CDH18: variants seen among roughly 807,000 people sequenced by gnomAD.
CDH18 encodes cadherin-18.
In CDH18, 31 loss-of-function variants were observed where a neutral mutation model predicts 67.9. The ratio of observed to expected loss-of-function variants is 0.46; its 90% CI spans 0.34 to 0.62. CDH18 has a LOEUF of 0.62. CDH18 is among the 20% of genes least tolerant of loss of function. CDH18 has a pLI of 0.01. For missense variants in CDH18, 890 were observed against 975.5 expected (o/e 0.91, Z 1.17); for synonymous variants, 362 against 347.2 (o/e 1.04, Z -0.48).
intron 2 of CDH18, among the ~76,000 whole-genome samples, chr5:20,174,633 A>T (rs1297585190): frequency 6.6e-6 from 1 of 152,182 alleles, no homozygotes; most frequent in Non-Finnish European, 1.5e-5. Flanking sequence ...CAGTACAACT[A>T]TATAGATTGA....
rs1561905984 is a variant in CDH18, at chr5:20,242,622, A to ATATACATGTATATATATATATG, written c.-518+12821_-518+12822insCATATATATATATACATGTATA. 7.9e-3 allele frequency among the ~76,000 whole-genome samples: 835 copies of ATATACATGTATATATATATATG among 106,314 alleles called. 70 individuals carry two copies. Among genetic ancestry groups the ATATACATGTATATATATATATG allele is most frequent in the Non-Finnish European group, 0.011 (610 of 55,802 alleles). 69.7% of individuals were successfully genotyped at this position (106,314 alleles called of 152,430 possible). A position where few individuals can be genotyped will look rare whatever the true frequency, so the allele number is the denominator to read the frequency against. On this transcript the variant is annotated intron_variant, in intron 2 of 14. Coordinates refer to the CDH18 transcript ENST00000507958. ...AAAAAAAAAAAAAAAATATATATAT[A>ATATACATGTATATATATATATG]TATATATATATGTATATATATATAT... is the stretch of plus-strand genomic sequence containing the variant.
intron 10 of CDH18, among the ~76,000 whole-genome samples, chr5:19,519,886 G>A (rs1174524657): frequency 6.6e-6 from 1 of 152,114 alleles, no homozygotes; most frequent in Non-Finnish European, 1.5e-5. Flanking sequence ...AGCCTCGGGC[G>A]AGAAAACAGC....
At chr5:20,369,332 C>T (rs1742787161) in intron 1 of CDH18, among the ~76,000 whole-genome samples, 1 of 152,082 alleles carries the variant, frequency 6.6e-6, no homozygotes, top group African/African-American at 2.4e-5. Flanking sequence ...TTATAAATAT[C>T]CTACACTAAT....
chr5:20,574,981 GAAA>G (rs200811136), intron 1 of CDH18, among the ~76,000 whole-genome samples: 1 of 142,604 alleles, frequency 7.0e-6, no homozygotes, highest in Non-Finnish European at 1.5e-5. Flanking sequence ...GACAGATTTA[GAAA>G]AAAAAAAACC....
At chr5:19,599,117 A>G (rs1746651771) in intron 6 of CDH18, among the ~76,000 whole-genome samples, 2 of 152,100 alleles carry the variant, frequency 1.3e-5, no homozygotes, top group Non-Finnish European at 2.9e-5. Context: ...ATAAAAGATA[A>G]TAACTTTAAA....
At chr5:19,582,217 A>C (rs1743374318) in intron 7 of CDH18, among the ~76,000 whole-genome samples, 1 of 151,944 alleles carries the variant, frequency 6.6e-6, no homozygotes, top group South Asian at 2.1e-4. Context: ...ATATGTGTGC[A>C]CGTGTATGTG....
chr5:19,801,621 T>G (rs1243593090), intron 3 of CDH18, among the ~76,000 whole-genome samples: 1 of 152,240 alleles, frequency 6.6e-6, no homozygotes, highest in Non-Finnish European at 1.5e-5. Flanking sequence ...ACACATACTT[T>G]ATTCATATTT....
chr5:19,918,799 T>A (rs1179701604), intron 2 of CDH18, among the ~76,000 whole-genome samples: 1 of 152,154 alleles, frequency 6.6e-6, no homozygotes, highest in African/African-American at 2.4e-5. Flanking sequence ...ACACTTTCCT[T>A]CTAAAACTCT....
chr5:19,946,747 C>T (rs1795317999), intron 2 of CDH18, among the ~76,000 whole-genome samples: 1 of 152,042 alleles, frequency 6.6e-6, no homozygotes. Context: ...TTTTATAAGG[C>T]CAGTATTGCC....
intron 3 of CDH18, among the ~76,000 whole-genome samples, chr5:19,837,177 C>T (rs1398599134): frequency 6.6e-6 from 1 of 152,094 alleles, no homozygotes; most frequent in Admixed American, 6.6e-5. Context: ...CCAAACACCA[C>T]ATGTTCTCAC....
intron 1 of CDH18, among the ~76,000 whole-genome samples, chr5:20,489,950 A>G (rs1415785545): frequency 6.6e-6 from 1 of 151,738 alleles, no homozygotes; most frequent in Non-Finnish European, 1.5e-5. Flanking sequence ...AAAACACTAG[A>G]TTTTTATTTA....
At chr5:20,172,192 A>G (rs10462058) in intron 2 of CDH18, among the ~76,000 whole-genome samples, 1,830 of 28,936 alleles carry the variant, frequency 0.063, 97 homozygotes, top group African/African-American at 0.27. Flanking sequence ...CATTGTGTGT[A>G]TATATATATA....
chr5:20,109,930 G>A (rs543700043), intron 2 of CDH18, among the ~76,000 whole-genome samples: 1 of 152,292 alleles, frequency 6.6e-6, no homozygotes, highest in Non-Finnish European at 1.5e-5. Flanking sequence ...GTGTTAGAAT[G>A]TAAAGCAATG....
At chr5:20,241,951 C>T (rs996251184) in intron 2 of CDH18, among the ~76,000 whole-genome samples, 6 of 147,490 alleles carry the variant, frequency 4.1e-5, no homozygotes, top group African/African-American at 1.5e-4. Context: ...ATATTTGCAG[C>T]TAAATCTGAT....
intron 3 of CDH18, among the ~76,000 whole-genome samples, chr5:19,827,339 A>C (rs1170457447): frequency 1.3e-5 from 2 of 151,998 alleles, no homozygotes; most frequent in Non-Finnish European, 2.9e-5. Flanking sequence ...AAAAAAAAAA[A>C]AAAACTTAAA....
Position 20,330,089 on chromosome 5 carries a change from A to G in CDH18, c.-579-74584T>C, listed in dbSNP as rs549040955. On this transcript the variant is annotated intron_variant, in intron 1 of 14. Coordinates refer to the CDH18 transcript ENST00000507958. ...TAAAGTAAAAAATATATGTTTTATC[A>G]TAAGTCTGTATTTTTGTTGTACTAT... 1.6e-4 allele frequency among the ~76,000 whole-genome samples: 25 copies of G among 152,286 alleles called. 1 individual carries two copies. The South Asian group carries it at 4.8e-3, about 29-fold the overall frequency.
At chr5:20,289,324 A>G (rs1746931714) in intron 1 of CDH18, among the ~76,000 whole-genome samples, 1 of 152,074 alleles carries the variant, frequency 6.6e-6, no homozygotes, top group Non-Finnish European at 1.5e-5. Context: ...TCTCCCAAAG[A>G]CATACAATTA....
intron 2 of CDH18, among the ~76,000 whole-genome samples, chr5:19,866,553 G>A (rs531844159): frequency 6.6e-6 from 1 of 152,168 alleles, no homozygotes; most frequent in Non-Finnish European, 1.5e-5. Context: ...TATCTGGTAC[G>A]AAGTAAGTAG....
At position 20,409,339 on chromosome 5, in the gene CDH18, G is replaced by C. The variant is rs957092149; in HGVS notation, c.-579-153834C>G. On this transcript the variant is annotated intron_variant, in intron 1 of 14. Coordinates refer to the CDH18 transcript ENST00000507958. The stretch of plus-strand genomic sequence containing the variant: ...GCTAATATTTTGACAACCACAGTGG[G>C]ATAAAACTAGTTTGATACCAGAAGA... 4.6e-5 allele frequency among the ~76,000 whole-genome samples: 7 copies of C among 151,708 alleles called. No individual in the cohort carries two copies. In the East Asian group the frequency reaches 5.8e-4, roughly 13 times the overall value.
Sources: allele counts gnomAD v4.1 joint callset (sites outside exome capture counted in the v4.1 genomes callset), GRCh38; gene constraint gnomAD v4.1.1; transcripts MANE v1.5; gene names NCBI Gene and HGNC (gene_info 2026-07-23, HGNC 2026-07-21).